CHST12: variants seen among roughly 807,000 people sequenced by gnomAD.
CHST12 encodes carbohydrate sulfotransferase 12, also known as carbohydrate (chondroitin 4) sulfotransferase 12.
Under a neutral mutation model 27.9 loss-of-function variants are expected in CHST12, and 23 were observed. The ratio of observed to expected loss-of-function variants is 0.82; its 90% CI spans 0.59 to 1.17. CHST12 has a LOEUF of 1.17. CHST12 is among the 50% of genes most tolerant of loss of function. CHST12 has a pLI of 0.00. For synonymous variants in CHST12, 322 were observed against 273.0 expected (o/e 1.18, Z -1.77); for missense variants, 682 against 603.0 (o/e 1.13, Z -1.37).
intron 1 of CHST12, among the ~76,000 whole-genome samples, chr7:2,411,338 A>C (rs1408884419): frequency 6.6e-6 from 1 of 152,076 alleles, no homozygotes; most frequent in East Asian, 1.9e-4. Flanking sequence ...TGCCTTGGCC[A>C]CCTAAAGTGT....
intron 1 of CHST12, among the ~76,000 whole-genome samples, chr7:2,424,540 G>T (rs1323622325): frequency 6.6e-6 from 1 of 152,072 alleles, no homozygotes; most frequent in Non-Finnish European, 1.5e-5. Flanking sequence ...GTCCAGGAGG[G>T]TCTCCCAGTG....
chr7:2,420,159 G>C (rs554106328), intron 1 of CHST12, among the ~76,000 whole-genome samples: 8 of 151,676 alleles, frequency 5.3e-5, no homozygotes, highest in Admixed American at 1.3e-4. Flanking sequence ...ATTTTTAGTA[G>C]AGACGGGGTT....
At chr7:2,414,768 G>A (rs1781760521) in intron 1 of CHST12, among the ~76,000 whole-genome samples, 1 of 152,282 alleles carries the variant, frequency 6.6e-6, no homozygotes, top group South Asian at 2.1e-4. Context: ...TTATGTGTAA[G>A]GCCATGATCC....
intron 1 of CHST12, among the ~76,000 whole-genome samples, chr7:2,413,457 A>G (rs1299368762): frequency 6.6e-6 from 1 of 152,216 alleles, no homozygotes; most frequent in Non-Finnish European, 1.5e-5. Flanking sequence ...AACGTGGCCA[A>G]ACATATTCAC....
At chr7:2,410,207 G>C (rs1322399487) in intron 1 of CHST12, among the ~76,000 whole-genome samples, 1 of 152,182 alleles carries the variant, frequency 6.6e-6, no homozygotes, top group African/African-American at 2.4e-5. Context: ...AGTTTGTCTG[G>C]TTTTTGTTAG....
At position 2,416,672 on chromosome 7, in the gene CHST12, G is replaced by C. The variant is rs113287219; in HGVS notation, c.-78+12999G>C. ...AAGAAAGAAACACAAGTCATTGTAGGATCTGTGGCCTGTGTGCTTTTTCTA... is the reference window on the plus strand; with the variant it reads ...AAGAAAGAAACACAAGTCATTGTAGCATCTGTGGCCTGTGTGCTTTTTCTA... On this transcript the variant is annotated intron_variant, in intron 1 of 1. Transcript: ENST00000618655. Among the ~76,000 whole-genome samples, 624 of 152,298 alleles carry C rather than the reference G, an allele frequency of 4.1e-3. 1 individual carries two copies. Among genetic ancestry groups the C allele is most frequent in the African/African-American group, 0.014 (581 of 41,562 alleles).
At chr7:2,414,106 T>C (rs558584373) in intron 1 of CHST12, among the ~76,000 whole-genome samples, 18 of 152,218 alleles carry the variant, frequency 1.2e-4, no homozygotes, top group African/African-American at 4.3e-4. Context: ...TGACTATTTG[T>C]ATCTCTTCTT....
intron 1 of CHST12, among the ~76,000 whole-genome samples, chr7:2,423,053 A>G (rs1782018740): frequency 6.6e-6 from 1 of 151,802 alleles, no homozygotes; most frequent in Non-Finnish European, 1.5e-5. Context: ...AGGCACTTGG[A>G]TCACTCGAGG....
At chr7:2,413,978 C>G (rs989025232) in intron 1 of CHST12, among the ~76,000 whole-genome samples, 4 of 152,056 alleles carry the variant, frequency 2.6e-5, no homozygotes, top group Non-Finnish European at 5.9e-5. Flanking sequence ...ATCCACCCAC[C>G]TCGGCCTCCC....
At chr7:2,408,302 C>T (rs952033174) in intron 1 of CHST12, among the ~76,000 whole-genome samples, 7 of 139,510 alleles carry the variant, frequency 5.0e-5, no homozygotes, top group East Asian at 2.1e-4. Context: ...GCGGAGGTAA[C>T]GGTAAGTGGA....
intron 1 of CHST12, among the ~76,000 whole-genome samples, chr7:2,424,564 C>T (rs1045653115): frequency 7.9e-5 from 12 of 152,172 alleles, no homozygotes; most frequent in African/African-American, 2.4e-4. Flanking sequence ...GACTCTCCCC[C>T]GGAAGACTCC....
chr7:2,428,107 T>A (rs780872040), intron 1 of CHST12, among the ~76,000 whole-genome samples: 16 of 152,132 alleles, frequency 1.1e-4, no homozygotes, highest in Non-Finnish European at 2.1e-4. Flanking sequence ...TGTGATTCTT[T>A]CTATACACTG....
intron 1 of CHST12, among the ~76,000 whole-genome samples, chr7:2,424,867 G>T (rs1238818544): frequency 6.6e-6 from 1 of 152,136 alleles, no homozygotes; most frequent in East Asian, 1.9e-4. Flanking sequence ...GCTAGAGCCT[G>T]TTGTAATCAG....
intron 1 of CHST12, among the ~76,000 whole-genome samples, chr7:2,425,223 C>CA (rs1782079894): frequency 4.5e-5 from 2 of 44,756 alleles, no homozygotes; most frequent in Admixed American, 2.7e-4. Context: ...AAAAAAACAA[C>CA]AAACAAAAAA....
At chr7:2,406,516 G>C (rs1386898925) in intron 1 of CHST12, among the ~76,000 whole-genome samples, 1 of 130,984 alleles carries the variant, frequency 7.6e-6, no homozygotes, top group Non-Finnish European at 1.6e-5. Context: ...GTGGGGGCGC[G>C]GTTGAGTATG....
rs1165167528 is a variant in CHST12 at position 2,439,242 on chromosome 7, G to A, written c.*5358G>A. 1 of 152,198 alleles carries A rather than the reference G, an allele frequency of 6.6e-6. No individual in the cohort carries two copies. Among genetic ancestry groups the A allele is most frequent in the Non-Finnish European group, 1.5e-5 (1 of 68,048 alleles). 9.4% of individuals were successfully genotyped at this position (152,198 alleles called of 1,614,324 possible). A position where few individuals can be genotyped will look rare whatever the true frequency, so the allele number is the denominator to read the frequency against. On this transcript the variant is annotated 3_prime_UTR_variant, in exon 2 of 2. Coordinates refer to ENST00000618655, the MANE Select transcript of CHST12 (RefSeq NM_018641.5). ...GAGAGAAGCCACGTGACCTGAGGAT[G>A]CAGGGCACTGTTCACGTGGACATGA...
Position 2,446,271 on chromosome 7 carries a change from A to G in CHST12, c.*12387A>G. ...AAAAGCGGAGAGTTGGGAAAAAAGG[A>G]CAAATAGCTGAGCGCCAGCCGCAGT... On this transcript the variant is annotated 3_prime_UTR_variant, in exon 2 of 2. Transcript: ENST00000618655. 6.5e-6 allele frequency: 1 copy of G among 152,908 alleles called. No individual in the cohort carries two copies. 9.5% of individuals were successfully genotyped at this position (152,908 alleles called of 1,614,324 possible).
Position 2,442,549 on chromosome 7 carries a change from G to T in CHST12, c.*8665G>T, listed in dbSNP as rs776609519. On this transcript the variant is annotated 3_prime_UTR_variant, in exon 2 of 2. Transcript: ENST00000618655. ...TGGCTAATTTTTTGTATTTTTAGTAGAGACGGAGTTTCACCATGTTAGCCA... is the reference window on the plus strand; with the variant it reads ...TGGCTAATTTTTTGTATTTTTAGTATAGACGGAGTTTCACCATGTTAGCCA... 6.6e-6 allele frequency: 1 copy of T among 152,070 alleles called. No individual in the cohort carries two copies. Among genetic ancestry groups the T allele is most frequent in the Non-Finnish European group, 1.5e-5 (1 of 68,100 alleles). 9.4% of individuals were successfully genotyped at this position (152,070 alleles called of 1,614,324 possible). A position where few individuals can be genotyped will look rare whatever the true frequency, so the allele number is the denominator to read the frequency against.
At position 2,432,626 on chromosome 7, in the gene CHST12, C is replaced by G; in HGVS notation, c.-14C>G. ...GTGAGAGGCCCGGAGAGGGCCCAGC[C>G]CGCCCGGGGCAGGATGACCAAGGCC... On this transcript the variant is annotated 5_prime_UTR_variant, in exon 2 of 2. Transcript: ENST00000618655. 1 of 1,597,294 alleles carries G rather than the reference C, an allele frequency of 6.3e-7. No individual in the cohort carries two copies.
Sources: gnomAD v4.1 joint callset for allele counts (sites outside exome capture counted in the v4.1 genomes callset) on GRCh38, gnomAD v4.1.1 for gene constraint, MANE v1.5 for transcripts, NCBI Gene and HGNC (gene_info 2026-07-23, HGNC 2026-07-21) for gene names.